The following ASIC2 variants were observed in gnomAD, a reference collection of about 807,000 sequenced individuals.
The protein encoded by ASIC2 is acid-sensing ion channel 2.
A neutral mutation model predicts 57.3 loss-of-function variants in ASIC2; 25 were observed. The ratio of observed to expected loss-of-function variants is 0.44; its 90% confidence interval spans 0.32 to 0.61. The LOEUF is 0.61. Ranked by LOEUF, ASIC2 falls within the 20% of genes least tolerant of loss-of-function variation. ASIC2 has a pLI of 0.06. For synonymous variants in ASIC2, 319 were observed against 307.5 expected (o/e 1.04, Z -0.39); for missense variants, 641 against 738.1 (o/e 0.87, Z 1.52).
At chr17:33,743,078 C>T (rs1247610994) in intron 1 of ASIC2, among the ~76,000 whole-genome samples, 1 of 152,208 alleles carries the variant, frequency 6.6e-6, no homozygotes. Flanking sequence ...CAAACCTCTC[C>T]CTGCTCTTGC....
intron 1 of ASIC2, among the ~76,000 whole-genome samples, chr17:33,207,174 C>A (rs1907093577): frequency 6.6e-6 from 1 of 152,218 alleles, no homozygotes; most frequent in African/African-American, 2.4e-5. Context: ...ATATCCCCGT[C>A]CTTAAGCGAT....
At chr17:33,152,126 ATAT>A (rs566025308) in intron 1 of ASIC2, among the ~76,000 whole-genome samples, 18 of 152,218 alleles carry the variant, frequency 1.2e-4, no homozygotes, top group Admixed American at 9.2e-4. Flanking sequence ...GGAGTAGATA[ATAT>A]TATTATCTTT....
At chr17:33,181,312 AAACACTTTTAAT>A (rs960112942) in intron 1 of ASIC2, among the ~76,000 whole-genome samples, 11 of 152,228 alleles carry the variant, frequency 7.2e-5, no homozygotes, top group African/African-American at 2.7e-4. Flanking sequence ...TTATAATAAT[AAACACTTTTAAT>A]AACACTTTTA....
At chr17:34,032,507 T>A (rs547223377) in intron 1 of ASIC2, among the ~76,000 whole-genome samples, 1 of 152,164 alleles carries the variant, frequency 6.6e-6, no homozygotes, top group Non-Finnish European at 1.5e-5. Flanking sequence ...AATTCACACA[T>A]AACAATATTA....
chr17:33,057,386 A>C (rs1199410327), intron 3 of ASIC2, among the ~76,000 whole-genome samples: 1 of 152,214 alleles, frequency 6.6e-6, no homozygotes, highest in Non-Finnish European at 1.5e-5. Context: ...TCCATACCTG[A>C]GCTATAAATC....
At chr17:33,856,834 G>C (rs569825377) in intron 1 of ASIC2, among the ~76,000 whole-genome samples, 164 of 152,218 alleles carry the variant, frequency 1.1e-3, no homozygotes, top group African/African-American at 3.8e-3. Flanking sequence ...CTTACAGATG[G>C]GGGTGTATGG....
chr17:33,633,485 G>A (rs1019651029), intron 1 of ASIC2, among the ~76,000 whole-genome samples: 4 of 152,210 alleles, frequency 2.6e-5, no homozygotes, highest in Admixed American at 2.0e-4. Context: ...CTTGGCCACA[G>A]GGAGCCTGTT....
chr17:33,596,595 C>A (rs1904985874), intron 1 of ASIC2, among the ~76,000 whole-genome samples: 1 of 152,182 alleles, frequency 6.6e-6, no homozygotes, highest in African/African-American at 2.4e-5. Flanking sequence ...AAAGAACCTG[C>A]AGTATCTTTG....
intron 1 of ASIC2, among the ~76,000 whole-genome samples, chr17:33,831,002 C>T (rs749003819): frequency 4.7e-5 from 7 of 148,324 alleles, no homozygotes; most frequent in East Asian, 2.0e-4. Context: ...CCCAGCTACT[C>T]GGGAGGCTGA....
chr17:33,894,895 T>C (rs1915054495), intron 1 of ASIC2, among the ~76,000 whole-genome samples: 1 of 152,170 alleles, frequency 6.6e-6, no homozygotes, highest in South Asian at 2.1e-4. Flanking sequence ...ATAAACATTG[T>C]CTGCACTCCT....
At chr17:33,567,418 T>C (rs747093247) in intron 1 of ASIC2, among the ~76,000 whole-genome samples, 1 of 152,164 alleles carries the variant, frequency 6.6e-6, no homozygotes, top group Non-Finnish European at 1.5e-5. Context: ...CTGCAAAGAA[T>C]GTGAATTTGG....
Position 33,961,090 on chromosome 17 carries a change from A to G in ASIC2, c.555+194888T>C, listed in dbSNP as rs140972658. 1.3e-4 allele frequency among the ~76,000 whole-genome samples: 20 copies of G among 152,362 alleles called. No individual in the cohort carries two copies. The East Asian group carries it at 3.9e-3, about 29-fold the overall frequency. On this transcript the variant is annotated intron_variant, in intron 1 of 9. Coordinates refer to the ASIC2 transcript ENST00000359872. ...ACGCCCAGGCCAAGGTGGTAACTTT[A>G]GTAAGAGAAAGGCACAGGGAAGGGA...
intron 1 of ASIC2, among the ~76,000 whole-genome samples, chr17:33,511,688 A>G (rs898523685): frequency 1.3e-5 from 2 of 152,148 alleles, no homozygotes; most frequent in African/African-American, 4.8e-5. Context: ...CCCCTTATTC[A>G]TACTCACTCT....
chr17:33,426,005 G>A (rs1210703705), intron 1 of ASIC2, among the ~76,000 whole-genome samples: 2 of 152,236 alleles, frequency 1.3e-5, no homozygotes, highest in African/African-American at 2.4e-5. Context: ...CAAGGGCTTT[G>A]ACTTCACTTC....
At chr17:33,532,992 C>G (rs1915100777) in intron 1 of ASIC2, among the ~76,000 whole-genome samples, 1 of 152,220 alleles carries the variant, frequency 6.6e-6, no homozygotes, top group African/African-American at 2.4e-5. Flanking sequence ...TTGGGAACCA[C>G]TGGCTCAGAG....
intron 1 of ASIC2, among the ~76,000 whole-genome samples, chr17:33,374,917 G>T (rs1177722990): frequency 1.3e-5 from 2 of 152,132 alleles, no homozygotes; most frequent in African/African-American, 2.4e-5. Context: ...GAGTTATGGA[G>T]AATAACCTCT....
At chr17:33,838,884 G>T (rs1913347538) in intron 1 of ASIC2, among the ~76,000 whole-genome samples, 1 of 152,138 alleles carries the variant, frequency 6.6e-6, no homozygotes, top group African/African-American at 2.4e-5. Context: ...AGCCAGAGTT[G>T]AAAACTTCTA....
intron 1 of ASIC2, among the ~76,000 whole-genome samples, chr17:33,447,325 C>A (rs2141987871): frequency 6.6e-6 from 1 of 152,256 alleles, no homozygotes; most frequent in African/African-American, 2.4e-5. Context: ...TCCCAGGTGA[C>A]CTGCCTAGAG....
At chr17:34,095,220 C>A (rs1176787299) in intron 1 of ASIC2, among the ~76,000 whole-genome samples, 1 of 152,092 alleles carries the variant, frequency 6.6e-6, no homozygotes, top group East Asian at 1.9e-4. Context: ...TAAAATGTGG[C>A]CAGGTGAACA....
Sources: gnomAD v4.1 joint callset for allele counts (sites outside exome capture counted in the v4.1 genomes callset) on GRCh38, gnomAD v4.1.1 for gene constraint, MANE v1.5 for transcripts, NCBI Gene and HGNC (gene_info 2026-07-23, HGNC 2026-07-21) for gene names.